TENM4: variants seen among roughly 807,000 people sequenced by gnomAD.
The protein encoded by TENM4 is teneurin-4.
TENM4 carries 82 observed loss-of-function variants against 243.3 expected under a neutral mutation model. The ratio of observed to expected loss-of-function variants is 0.34; its 90% CI spans 0.28 to 0.40. The LOEUF (loss-of-function observed/expected upper bound fraction) is 0.40. Among genes scored for constraint, TENM4 ranks in the 10% least tolerant of loss-of-function variants. The pLI, the probability that TENM4 is intolerant of heterozygous loss-of-function variation, is 1.00. For synonymous variants in TENM4, 1,412 were observed against 1,456.3 expected (o/e 0.97, Z 0.69); for missense variants, 3,138 against 3,673.3 (o/e 0.85, Z 3.77).
intron 8 of TENM4, among the ~76,000 whole-genome samples, chr11:78,890,944 C>A (rs1478867283): frequency 6.6e-6 from 1 of 152,186 alleles, no homozygotes; most frequent in African/African-American, 2.4e-5. Flanking sequence ...GGGCCAGAGT[C>A]CATACAATAC....
At chr11:79,160,585 T>C (rs2135083481) in intron 3 of TENM4, among the ~76,000 whole-genome samples, 1 of 152,206 alleles carries the variant, frequency 6.6e-6, no homozygotes, top group East Asian at 1.9e-4. Flanking sequence ...ATCTCAAGAC[T>C]GTGGAGTCAT....
At chr11:79,353,452 GA>G (rs1252550538) in intron 1 of TENM4, among the ~76,000 whole-genome samples, 6 of 151,862 alleles carry the variant, frequency 4.0e-5, no homozygotes, top group East Asian at 1.9e-4. Context: ...GGTTTTTGGG[GA>G]AAAAAATAGT....
At chr11:78,732,240 C>T in intron 21 of TENM4, 76 bp downstream of exon 21, 1 of 1,516,326 alleles carries the variant, frequency 6.6e-7, no homozygotes, top group Non-Finnish European at 8.8e-7. Flanking sequence ...TTTCTCTTTC[C>T]ACTGTCTCTG....
At chr11:78,955,602 G>A (rs900630650) in intron 6 of TENM4, among the ~76,000 whole-genome samples, 2 of 152,186 alleles carry the variant, frequency 1.3e-5, no homozygotes, top group Admixed American at 6.5e-5. Context: ...TTTTAATGCA[G>A]TGGTATTTGG....
chr11:79,322,918 C>G (rs1163140477), intron 1 of TENM4, among the ~76,000 whole-genome samples: 2 of 152,198 alleles, frequency 1.3e-5, no homozygotes, highest in Non-Finnish European at 2.9e-5. Context: ...AACCCAGTAC[C>G]TTCACCTCCT....
At chr11:79,430,640 A>G (rs1447671260) in intron 1 of TENM4, among the ~76,000 whole-genome samples, 1 of 152,238 alleles carries the variant, frequency 6.6e-6, no homozygotes, top group Non-Finnish European at 1.5e-5. Flanking sequence ...AGCACAATCC[A>G]CACAGCCATG....
intron 6 of TENM4, among the ~76,000 whole-genome samples, chr11:79,035,370 A>G (rs919469465): frequency 1.3e-5 from 2 of 152,170 alleles, no homozygotes; most frequent in Non-Finnish European, 2.9e-5. Flanking sequence ...TCAGCTCACC[A>G]TCAGTGAAGC....
At chr11:79,164,064 AGT>A (rs201815088) in intron 3 of TENM4, among the ~76,000 whole-genome samples, 228 of 16,448 alleles carry the variant, frequency 0.014, 5 homozygotes, top group South Asian at 0.032. Flanking sequence ...ATGTATATAT[AGT>A]GTATATATAC....
At chr11:78,703,602 G>T (rs1029464491) in intron 27 of TENM4, among the ~76,000 whole-genome samples, 3 of 152,104 alleles carry the variant, frequency 2.0e-5, no homozygotes, top group African/African-American at 7.2e-5. Context: ...GGACTTGAAG[G>T]CTGGATTGTT....
chr11:78,840,957 C>T (rs557097281), intron 12 of TENM4, among the ~76,000 whole-genome samples: 4 of 152,266 alleles, frequency 2.6e-5, no homozygotes, highest in African/African-American at 9.6e-5. Context: ...TTCCTGCTTT[C>T]CCAGGTCTAT....
intron 4 of TENM4, among the ~76,000 whole-genome samples, chr11:79,085,376 C>CAAAA (rs36035068): frequency 0.024 from 1,871 of 79,060 alleles, 20 homozygotes; most frequent in Non-Finnish European, 0.04. Flanking sequence ...GACTCTGTCT[C>CAAAA]AAAAAAAAAA....
At chr11:79,005,452 G>A (rs1054553617) in intron 6 of TENM4, among the ~76,000 whole-genome samples, 5 of 152,034 alleles carry the variant, frequency 3.3e-5, no homozygotes, top group Admixed American at 2.0e-4. Context: ...TTCAATATAC[G>A]CAAGTCAATA....
intron 4 of TENM4, among the ~76,000 whole-genome samples, chr11:79,134,917 T>C (rs1330758225): frequency 1.3e-5 from 2 of 152,074 alleles, no homozygotes; most frequent in African/African-American, 4.8e-5. Flanking sequence ...GAAAAACCCT[T>C]CTAGAAATTG....
At chr11:79,201,141 G>C (rs1455767154) in intron 3 of TENM4, among the ~76,000 whole-genome samples, 1 of 152,188 alleles carries the variant, frequency 6.6e-6, no homozygotes, top group Non-Finnish European at 1.5e-5. Context: ...TATGATCTTG[G>C]CTGGAAGAAG....
At chr11:79,429,854 T>C (rs1036867868) in intron 1 of TENM4, among the ~76,000 whole-genome samples, 2 of 152,226 alleles carry the variant, frequency 1.3e-5, no homozygotes, top group Non-Finnish European at 2.9e-5. Flanking sequence ...GATTACTGCA[T>C]GATAATCCTA....
chr11:78,774,146 AATGAG>A (rs1192116829), intron 17 of TENM4, among the ~76,000 whole-genome samples: 1 of 152,224 alleles, frequency 6.6e-6, no homozygotes, highest in Non-Finnish European at 1.5e-5. Flanking sequence ...GAGAGTATTA[AATGAG>A]ATAATATATA....
intron 2 of TENM4, among the ~76,000 whole-genome samples, chr11:79,278,835 A>G (rs1856105411): frequency 6.6e-6 from 1 of 152,140 alleles, no homozygotes; most frequent in Non-Finnish European, 1.5e-5. Context: ...CACTGTCACT[A>G]TCAGGAAATC....
At chr11:78,778,722 G>T in intron 16 of TENM4, 94 bp from the exon 17 acceptor site, 1 of 1,199,286 alleles carries the variant, frequency 8.3e-7, no homozygotes, top group Non-Finnish European at 1.2e-6. Context: ...CAGACAAAGG[G>T]ATTGTGCCCC....
At chr11:78,948,464 T>G (rs1477059220) in intron 6 of TENM4, among the ~76,000 whole-genome samples, 1 of 150,800 alleles carries the variant, frequency 6.6e-6, no homozygotes, top group Non-Finnish European at 1.5e-5. Flanking sequence ...AAGCTCCGTC[T>G]CCCGGGTTCA....
Sources: gnomAD v4.1 joint callset for allele counts (sites outside exome capture counted in the v4.1 genomes callset) on GRCh38, gnomAD v4.1.1 for gene constraint, MANE v1.5 for transcripts, NCBI Gene and HGNC (gene_info 2026-07-23, HGNC 2026-07-21) for gene names.